The following STS variants were observed in gnomAD, a reference collection of about 807,000 sequenced individuals.
STS encodes steroid sulfatase.
Under a neutral mutation model 26.8 loss-of-function variants are expected in STS, and 7 were observed. That is an observed-to-expected ratio of 0.26 (90% CI 0.15 to 0.49). The LOEUF (loss-of-function observed/expected upper bound fraction) is 0.49. Among genes scored for constraint, STS ranks in the 20% least tolerant of loss-of-function variants. The pLI is 0.98. For synonymous variants in STS, 199 were observed against 189.4 expected (o/e 1.05, Z -0.42); for missense variants, 434 against 465.6 (o/e 0.93, Z 0.63).
At chrX:7,163,056 CAAAAAAAAA>C (rs60006129) in intron 1 of STS, among the ~76,000 whole-genome samples, 2 of 74,959 alleles carry the variant, frequency 2.7e-5, no homozygotes, top group African/African-American at 5.2e-5. Context: ...GACTCCGTCT[CAAAAAAAAA>C]AAAAAAAAAA....
At chrX:7,158,026 C>CATT (rs756991947) in intron 1 of STS, among the ~76,000 whole-genome samples, 34 of 112,090 alleles carry the variant, frequency 3.0e-4, no homozygotes, top group African/African-American at 1.1e-3. Context: ...GTTTCTGTGG[C>CATT]ATTATAGCCC....
intron 10 of STS, among the ~76,000 whole-genome samples, chrX:7,335,747 C>A (rs1303062256): frequency 2.7e-5 from 3 of 111,601 alleles, no homozygotes; most frequent in Non-Finnish European, 3.8e-5. Flanking sequence ...TTTAGGTCTA[C>A]CATTTAAGTC....
At chrX:7,237,013 T>C (rs1445846908) in intron 2 of STS, among the ~76,000 whole-genome samples, 1 of 110,634 alleles carries the variant, frequency 9.0e-6, no homozygotes, top group Non-Finnish European at 1.9e-5. Context: ...CAAATTTACA[T>C]CATAAGGCAG....
In STS at chrX:7,220,210, G is replaced by A. The variant is rs191847350; in HGVS notation, c.-5+29202G>A. Reference sequence around the variant, plus strand: ...TATGGGCTGTCGGAATCTTCTGGTTGAGAAAGATGGTGGGAGCCACTTTGT... The same window carrying A: ...TATGGGCTGTCGGAATCTTCTGGTTAAGAAAGATGGTGGGAGCCACTTTGT... On this transcript the variant is annotated intron_variant, in intron 2 of 10. Transcript: ENST00000674429. 3.6e-3 allele frequency among the ~76,000 whole-genome samples: 404 copies of A among 111,656 alleles called. 1 individual carries two copies. Among genetic ancestry groups the A allele is most frequent in the Non-Finnish European group, 6.0e-3 (318 of 53,188 alleles).
intron 2 of STS, among the ~76,000 whole-genome samples, chrX:7,191,607 G>T (rs756861813): frequency 9.0e-6 from 1 of 111,613 alleles, no homozygotes; most frequent in East Asian, 2.9e-4. Flanking sequence ...GGAGTTGAAG[G>T]TTGAGGGTAT....
intron 2 of STS, among the ~76,000 whole-genome samples, chrX:7,238,819 G>A (rs189201675): frequency 2.7e-5 from 3 of 110,601 alleles, no homozygotes. Context: ...GTGACAGAGT[G>A]AGACCTTGTC....
intron 1 of STS, among the ~76,000 whole-genome samples, chrX:7,155,802 A>G (rs1490391734): frequency 2.7e-5 from 3 of 111,961 alleles, no homozygotes; most frequent in African/African-American, 9.7e-5. Flanking sequence ...CTTTATAACA[A>G]AATGATGTTG....
intron 2 of STS, among the ~76,000 whole-genome samples, chrX:7,201,720 A>G (rs756419537): frequency 1.1e-4 from 12 of 110,705 alleles, no homozygotes; most frequent in African/African-American, 2.6e-4. Context: ...GCTTTAGGGA[A>G]CTGCGCCAGA....
intron 2 of STS, among the ~76,000 whole-genome samples, chrX:7,215,136 CACAT>C (rs1223798349): frequency 5.3e-3 from 445 of 83,635 alleles, no homozygotes; most frequent in Middle Eastern, 0.018. Context: ...CACACACACA[CACAT>C]ATATATATAT....
At chrX:7,248,028 T>C (rs1322878552) in intron 2 of STS, among the ~76,000 whole-genome samples, 2 of 111,845 alleles carry the variant, frequency 1.8e-5, no homozygotes, top group Non-Finnish European at 3.8e-5. Context: ...TGAGGGATTA[T>C]AAATACCTAA....
In STS at chrX:7,325,395, C is replaced by G. The variant is rs770311984; in HGVS notation, c.1138C>G (p.Pro380Ala). ...CCGGGTTCCAGGCATCCTTCGTTGGCCCAGGGTGATACAGGCTGGCCAGAA... is the reference window on the plus strand; with the variant it reads ...CCGGGTTCCAGGCATCCTTCGTTGGGCCAGGGTGATACAGGCTGGCCAGAA... ...GIRVPGILRW[P>A]RVIQAGQKID... The change falls in exon 9 of 11, where the codon CCC becomes GCC. Residue 380 changes from proline to alanine, a missense_variant. Coordinates refer to ENST00000674429, the MANE Select transcript of STS (RefSeq NM_001320752.2). The G allele has an allele frequency of 2.5e-6, 3 of 1,209,217 alleles. No homozygotes were observed. The highest frequency in any genetic ancestry group is 3.4e-6 in the Non-Finnish European group (3 of 894,884).
chrX:7,150,397 T>A (rs1932987697), intron 1 of STS, among the ~76,000 whole-genome samples: 1 of 110,311 alleles, frequency 9.1e-6, no homozygotes, highest in Admixed American at 9.7e-5. Flanking sequence ...AATTTTTGTA[T>A]TTTTTAGTAG....
chrX:7,172,835 G>A (rs779767439), intron 1 of STS, among the ~76,000 whole-genome samples: 1 of 112,193 alleles, frequency 8.9e-6, no homozygotes, highest in East Asian at 2.8e-4. Flanking sequence ...ATCTGTTGGT[G>A]ATGTGGGACT....
In STS at chrX:7,186,335, A is replaced by G. The variant is rs193075629; in HGVS notation, c.-133-4545A>G. ...AATGAACCAGTCCATGGAGAGTGAC[A>G]TGGACAAGGAGAGTGTTCTGGGCTG... On this transcript the variant is annotated intron_variant, in intron 1 of 10. Coordinates refer to ENST00000674429, the MANE Select transcript of STS (RefSeq NM_001320752.2). 1.3e-3 allele frequency among the ~76,000 whole-genome samples: 147 copies of G among 112,541 alleles called. 1 individual carries two copies. The highest frequency in any genetic ancestry group is 2.3e-3 in the Non-Finnish European group (125 of 53,281).
At chrX:7,204,833 T>G (rs927926201) in intron 2 of STS, among the ~76,000 whole-genome samples, 4 of 105,224 alleles carry the variant, frequency 3.8e-5, no homozygotes, top group Non-Finnish European at 5.9e-5. Flanking sequence ...CCTTCTTCCC[T>G]CCTCCCCTCC....
intron 6 of STS, among the ~76,000 whole-genome samples, chrX:7,268,159 GA>G (rs1242637566): frequency 9.0e-6 from 1 of 111,548 alleles, no homozygotes; most frequent in East Asian, 2.8e-4. Flanking sequence ...GAGCCATGGG[GA>G]AGAATCTCTC....
chrX:7,348,182 TA>T (rs1361887997), intron 10 of STS, among the ~76,000 whole-genome samples: 2 of 111,412 alleles, frequency 1.8e-5, no homozygotes, highest in Non-Finnish European at 3.8e-5. Context: ...TTCTCAGCTT[TA>T]AAAAAAACCC....
At chrX:7,148,581 C>T (rs191331377) in intron 1 of STS, among the ~76,000 whole-genome samples, 5 of 112,695 alleles carry the variant, frequency 4.4e-5, no homozygotes, top group Non-Finnish European at 9.4e-5. Context: ...CATCAGGTTG[C>T]AGACAAATGG....
intron 1 of STS, among the ~76,000 whole-genome samples, chrX:7,183,823 G>T (rs1306692012): frequency 9.0e-6 from 1 of 110,873 alleles, no homozygotes; most frequent in Middle Eastern, 4.3e-3. Context: ...CCAACATGGC[G>T]AAACCTCATC....
Sources: gnomAD v4.1 joint callset for allele counts (sites outside exome capture counted in the v4.1 genomes callset) on GRCh38, gnomAD v4.1.1 for gene constraint, MANE v1.5 for transcripts, NCBI Gene and HGNC (gene_info 2026-07-23, HGNC 2026-07-21) for gene names.